SOCS6: variants seen among roughly 807,000 people sequenced by gnomAD.
SOCS6 encodes STAT induced STAT inhibitor-4.
Under a neutral mutation model 27.7 loss-of-function variants are expected in SOCS6, and 5 were observed. That is an observed-to-expected ratio of 0.18 (90% CI 0.09 to 0.38). The LOEUF (loss-of-function observed/expected upper bound fraction) is 0.38, where lower values mean the gene tolerates loss of function less well. Ranked by LOEUF, SOCS6 falls within the 10% of genes least tolerant of loss-of-function variation. The pLI is 1.00. For synonymous variants in SOCS6, 271 were observed against 260.0 expected (o/e 1.04, Z -0.41); for missense variants, 595 against 688.1 (o/e 0.86, Z 1.51).
intron 1 of SOCS6, among the ~76,000 whole-genome samples, chr18:70,305,009 A>C (rs2146272343): frequency 6.6e-6 from 1 of 152,284 alleles, no homozygotes; most frequent in South Asian, 2.1e-4. Context: ...GTTCGAGACC[A>C]GTCTGGCCAA....
chr18:70,319,539 G>A (rs1348637099), intron 1 of SOCS6, among the ~76,000 whole-genome samples: 1 of 150,396 alleles, frequency 6.6e-6, no homozygotes, highest in Non-Finnish European at 1.5e-5. Context: ...AGTCAAGGCA[G>A]CGGCACCAAA....
intron 1 of SOCS6, among the ~76,000 whole-genome samples, chr18:70,289,423 G>T (rs1396415269): frequency 3.4e-5 from 5 of 147,502 alleles, no homozygotes; most frequent in South Asian, 4.2e-4. Flanking sequence ...GGCCGCGGAC[G>T]GCTCTTCTCG....
chr18:70,323,708 A>T (rs1217805651), intron 1 of SOCS6, among the ~76,000 whole-genome samples: 1 of 152,182 alleles, frequency 6.6e-6, no homozygotes, highest in Non-Finnish European at 1.5e-5. Context: ...TAGATAGTTT[A>T]TTACAGATAA....
rs1193076390 is a variant in SOCS6 at position 70,290,955 on chromosome 18, G to C, written c.-127+1865G>C. ...CCCCCCACCCCGCAGGGAGTGGCAGGGAAGGAATTTGAGAGCCATTGACTG... is the reference window on the plus strand; with the variant it reads ...CCCCCCACCCCGCAGGGAGTGGCAGCGAAGGAATTTGAGAGCCATTGACTG... On this transcript the variant is annotated intron_variant, in intron 1 of 1. Coordinates refer to ENST00000397942, the MANE Select transcript of SOCS6 (RefSeq NM_004232.4). 3.9e-5 allele frequency among the ~76,000 whole-genome samples: 6 copies of C among 152,182 alleles called. No individual in the cohort carries two copies. The East Asian group carries it at 1.2e-3, about 29-fold the overall frequency.
At chr18:70,315,515 T>G (rs2062407956) in intron 1 of SOCS6, among the ~76,000 whole-genome samples, 2 of 152,230 alleles carry the variant, frequency 1.3e-5, no homozygotes, top group Admixed American at 1.3e-4. Context: ...GCATGTGTGG[T>G]TATTGCTCTA....
chr18:70,305,164 C>T lies in SOCS6; in HGVS notation c.-127+16074C>T, dbSNP rs532839857. Among the ~76,000 whole-genome samples, 33 of 151,886 alleles carry T rather than the reference C, an allele frequency of 2.2e-4. No homozygotes were observed. In the South Asian group the frequency reaches 6.7e-3, roughly 31 times the overall value. On this transcript the variant is annotated intron_variant, in intron 1 of 1. Coordinates refer to ENST00000397942, the MANE Select transcript of SOCS6 (RefSeq NM_004232.4). ...GGGAGGTTGCAGTGAGCCGAGATCGCGCCACTGCACTCCAACCTGAGCAAC... is the reference window on the plus strand; with the variant it reads ...GGGAGGTTGCAGTGAGCCGAGATCGTGCCACTGCACTCCAACCTGAGCAAC...
At chr18:70,315,080 C>T (rs1177202390) in intron 1 of SOCS6, among the ~76,000 whole-genome samples, 4 of 152,100 alleles carry the variant, frequency 2.6e-5, no homozygotes. Context: ...GAATTGTTTT[C>T]TCCCTACCAC....
At chr18:70,316,952 T>C (rs1045533969) in intron 1 of SOCS6, among the ~76,000 whole-genome samples, 1 of 152,256 alleles carries the variant, frequency 6.6e-6, no homozygotes, top group Non-Finnish European at 1.5e-5. Flanking sequence ...AGCACTTCTT[T>C]TAAGTATAAT....
At chr18:70,307,345 C>T (rs1171378129) in intron 1 of SOCS6, among the ~76,000 whole-genome samples, 1 of 152,200 alleles carries the variant, frequency 6.6e-6, no homozygotes, top group African/African-American at 2.4e-5. Context: ...CCTTTGTTAT[C>T]AGGGTAATAC....
chr18:70,306,818 T>G (rs934228942), intron 1 of SOCS6, among the ~76,000 whole-genome samples: 2 of 152,260 alleles, frequency 1.3e-5, no homozygotes, highest in Admixed American at 6.5e-5. Flanking sequence ...CTGCAACTAT[T>G]AAGATGATCA....
At chr18:70,316,948 T>TA (rs2051505254) in intron 1 of SOCS6, among the ~76,000 whole-genome samples, 1 of 152,258 alleles carries the variant, frequency 6.6e-6, no homozygotes, top group Non-Finnish European at 1.5e-5. Context: ...GTTTAGCACT[T>TA]CTTTTAAGTA....
rs1184686871 is a variant in SOCS6 at position 70,326,327 on chromosome 18, A to T, written c.*51A>T. The T allele has an allele frequency of 2.8e-6, 4 of 1,445,990 alleles. No individual in the cohort carries two copies. The South Asian group carries it at 5.3e-5, about 19-fold the overall frequency. The allele number at this position is 1,445,990 out of a possible 1,614,324, so 89.6% of individuals were successfully genotyped here. ...CTTTGGGAATAAGAACAAGAGATTG[A>T]AATACAGTTTACAAACTTTCATTGC... On this transcript the variant is annotated 3_prime_UTR_variant, in exon 2 of 2. Coordinates refer to ENST00000397942, the MANE Select transcript of SOCS6 (RefSeq NM_004232.4).
At chr18:70,317,246 C>G (rs1369208823) in intron 1 of SOCS6, among the ~76,000 whole-genome samples, 1 of 152,146 alleles carries the variant, frequency 6.6e-6, no homozygotes, top group East Asian at 1.9e-4. Context: ...TTGTATCATT[C>G]TTATGCCTTT....
chr18:70,311,372 G>A (rs1305526366), intron 1 of SOCS6, among the ~76,000 whole-genome samples: 1 of 152,206 alleles, frequency 6.6e-6, no homozygotes, highest in Non-Finnish European at 1.5e-5. Context: ...AGTTTGGGAA[G>A]GCTTATGGGA....
chr18:70,304,375 C>T (rs1367823564), intron 1 of SOCS6, among the ~76,000 whole-genome samples: 2 of 144,106 alleles, frequency 1.4e-5, no homozygotes, highest in African/African-American at 4.9e-5. Context: ...TTCCTGCAAT[C>T]GGGGAAAAAA....
chr18:70,326,320 G>T lies in SOCS6; in HGVS notation c.*44G>T. 1 of 1,483,100 alleles carries T rather than the reference G, an allele frequency of 6.7e-7. No individual in the cohort carries two copies. Among genetic ancestry groups the T allele is most frequent in the Non-Finnish European group, 9.2e-7 (1 of 1,091,234 alleles). The allele number at this position is 1,483,100 out of a possible 1,614,324, so 91.9% of individuals were successfully genotyped here. A position where few individuals can be genotyped will look rare whatever the true frequency, so the allele number is the denominator to read the frequency against. ...TCTTGCACTTTGGGAATAAGAACAA[G>T]AGATTGAAATACAGTTTACAAACTT... On this transcript the variant is annotated 3_prime_UTR_variant, in exon 2 of 2. Coordinates refer to ENST00000397942, the MANE Select transcript of SOCS6 (RefSeq NM_004232.4).
At chr18:70,308,367 G>A (rs746693335) in intron 1 of SOCS6, among the ~76,000 whole-genome samples, 3 of 152,158 alleles carry the variant, frequency 2.0e-5, no homozygotes, top group African/African-American at 7.2e-5. Flanking sequence ...ACAGGCATGC[G>A]CCACCATACC....
chr18:70,301,653 G>A (rs1203497512), intron 1 of SOCS6, among the ~76,000 whole-genome samples: 1 of 151,382 alleles, frequency 6.6e-6, no homozygotes, highest in African/African-American at 2.4e-5. Context: ...TGAAGAGAGA[G>A]AATTTGGGAG....
rs202145848 is a variant in SOCS6, at chr18:70,325,302, G to A, written c.634G>A (p.Val212Ile). 2.0e-5 allele frequency: 32 copies of A among 1,614,082 alleles called. No homozygotes were observed. The highest frequency in any genetic ancestry group is 2.7e-5 in the Non-Finnish European group (32 of 1,180,040). ...TCACCTGGATGAACATGTGCCTGTC[G>A]TTATTGGACTTATGCCTCAGGACTA... ...HLHLDEHVPV[V>I]IGLMPQDYIQ... Residue 212 changes from valine (V) to isoleucine (I), a missense_variant, in exon 2 of 2, where the codon GTT becomes ATT. Physicochemically the swap from Val to Ile is conservative, Grantham distance 29. Coordinates refer to ENST00000397942, the MANE Select transcript of SOCS6 (RefSeq NM_004232.4). The surrounding 1 kb of genome is among the most constrained non-coding windows in gnomAD (Gnocchi z 6.3).
Sources: gnomAD v4.1 joint callset for allele counts (sites outside exome capture counted in the v4.1 genomes callset) on GRCh38, gnomAD v4.1.1 for gene constraint, Gnocchi (gnomAD v3.1) non-coding constraint, MANE v1.5 for transcripts, NCBI Gene and HGNC (gene_info 2026-07-23, HGNC 2026-07-21) for gene names.